RBM5: variants seen among roughly 807,000 people sequenced by gnomAD.
RBM5 encodes the protein RNA-binding protein 5.
RBM5 carries 15 observed loss-of-function variants against 124.6 expected under a neutral mutation model. The observed-to-expected ratio is 0.12, with a 90% confidence interval of 0.08 to 0.19. The LOEUF (loss-of-function observed/expected upper bound fraction) is 0.19, where lower values mean the gene tolerates loss of function less well. Among genes scored for constraint, RBM5 ranks in the 10% least tolerant of loss-of-function variants. The pLI is 1.00. For synonymous variants in RBM5, 337 were observed against 361.2 expected, an observed-to-expected ratio of 0.93 and a Z score of 0.76; for missense variants, 580 against 1,026.5, an observed-to-expected ratio of 0.57 and a Z score of 5.94.
intron 9 of RBM5, 75 bp from the exon 10 acceptor site, chr3:50,105,474 G>C: frequency 2.1e-6 from 3 of 1,445,152 alleles, no homozygotes; most frequent in Non-Finnish European, 2.9e-6. Flanking sequence ...GTATGTACTT[G>C]ACCCTATCTT....
intron 21 of RBM5, 79 bp from the exon 22 acceptor site, chr3:50,115,827 A>G: frequency 1.5e-6 from 2 of 1,372,636 alleles, no homozygotes; most frequent in African/African-American, 2.9e-5. Flanking sequence ...CTTAAAGTAC[A>G]GTAGATGTTA....
intron 17 of RBM5, among the ~76,000 whole-genome samples, chr3:50,111,652 G>A (rs1176277993): frequency 6.6e-6 from 1 of 152,070 alleles, no homozygotes; most frequent in East Asian, 1.9e-4. Context: ...AGGATTACAG[G>A]CATGAGCCAC....
rs767565940 is a variant in RBM5, at chr3:50,115,974, G to C, written c.2088G>C (p.Glu696Asp). The stretch of plus-strand genomic sequence containing the variant: ...AGCTGGAAGCCTTGGAGCTAAGGGA[G>C]AGAGAGGTGAATGGGAAACTGTGCC... ...EQELEALELR[E>D]REMKYRDRAA... is the part of the protein sequence containing the mutation. The change falls in exon 22 of 25, where the codon GAG becomes GAC. Residue 696 changes from glutamate to aspartate, a missense_variant. This residue lies in a region of RBM5 where 234 missense variants were observed against 435.1 expected (regional missense o/e 0.54). Transcript: ENST00000347869. The C allele has an allele frequency of 2.4e-5, 39 of 1,612,422 alleles. No individual in the cohort carries two copies. The highest frequency in any genetic ancestry group is 3.1e-5 in the Non-Finnish European group (36 of 1,178,444).
Position 50,117,144 on chromosome 3 carries a change from G to T in RBM5, c.2165G>T (p.Arg722Leu). 5 of 1,614,164 alleles carry T rather than the reference G, an allele frequency of 3.1e-6. No individual in the cohort carries two copies. Among genetic ancestry groups the T allele is most frequent in the Admixed American group, 1.7e-5 (1 of 60,022 alleles). The change falls in exon 23 of 25, where the codon CGC becomes CTC. Residue 722 changes from arginine to leucine, a missense_variant. By Grantham distance (102) the Arg-to-Leu change is moderately radical. Around this residue, in one of 6 missense-constraint regions of RBM5, gnomAD observed 234 missense variants for 435.1 expected, o/e 0.54. Transcript: ENST00000347869. The surrounding 1 kb of genome is among the most constrained non-coding windows in gnomAD (Gnocchi z 4.2). ...ATTCCAGAACCTCCAGAGCCCAAGC[G>T]CAAGAAGCAGTTTGATGCCGGCACT... ...YGIPEPPEPKRKKQFDAGTVN... is the reference protein window; with the variant it reads ...YGIPEPPEPKLKKQFDAGTVN...
chr3:50,116,090 T>C (rs956362540), intron 22 of RBM5, 110 bp downstream of exon 22: 3 of 1,045,136 alleles, frequency 2.9e-6, no homozygotes, highest in African/African-American at 3.2e-5. Context: ...GGATTTGTCA[T>C]ACCCTTGTCA....
intron 2 of RBM5, 40 bp from the exon 3 acceptor site, chr3:50,092,003 A>G (rs755090761): frequency 3.1e-6 from 5 of 1,599,876 alleles, no homozygotes; most frequent in Non-Finnish European, 4.3e-6. Context: ...AAGGTACAAA[A>G]TGTGACTGAC....
intron 6 of RBM5, chr3:50,101,727 A>C (rs2090943792): frequency 6.6e-6 from 1 of 152,188 alleles, no homozygotes; most frequent in Non-Finnish European, 1.5e-5. Context: ...TAAGAAACTA[A>C]AACCTGTAAG....
At chr3:50,115,391 G>C in intron 20 of RBM5, 37 bp from the exon 21 acceptor site, 1 of 1,600,796 alleles carries the variant, frequency 6.2e-7, no homozygotes. Context: ...TCTTCCTATT[G>C]TACATTTCCA....
intron 22 of RBM5, chr3:50,116,222 A>G (rs778843842): frequency 1.2e-4 from 59 of 491,722 alleles, no homozygotes; most frequent in Non-Finnish European, 1.6e-4. Flanking sequence ...TCTCACAGCA[A>G]TGCCAGAGCT....
At chr3:50,094,319 G>C (rs1354897586) in intron 4 of RBM5, 1 of 152,652 alleles carries the variant, frequency 6.6e-6, no homozygotes, top group African/African-American at 2.4e-5. Context: ...ACCGCACCCG[G>C]CTAACTTTTT....
Position 50,100,012 on chromosome 3 carries a change from C to T in RBM5, c.370C>T (p.Pro124Ser), listed in dbSNP as rs770025167. 27 of 1,613,750 alleles carry T rather than the reference C, an allele frequency of 1.7e-5. No homozygotes were observed. The highest frequency in any genetic ancestry group is 1.1e-4 in the South Asian group (10 of 90,990). The stretch of plus-strand genomic sequence containing the variant: ...AGAAATGATGGAGTCCTTCGAAGGC[C>T]CTCAGCCTGCGGATGTGAGGCTGAT... ...IREMMESFEG[P>S]QPADVRLMKR... The change falls in exon 5 of 25, where the codon CCT (proline) becomes TCT (serine). Residue 124 changes from proline (P) to serine (S), a missense_variant. Physicochemically the swap from Pro to Ser is moderately conservative, Grantham distance 74 (BLOSUM62 -1). Around this residue, in one of 6 missense-constraint regions of RBM5, gnomAD observed 101 missense variants for 223.2 expected, o/e 0.45. Transcript: ENST00000347869. This position sits in a 1 kb window ranked among gnomAD's most constrained non-coding sequence, Gnocchi z 5.1.
chr3:50,096,692 G>A (rs1299574061), intron 4 of RBM5, among the ~76,000 whole-genome samples: 1 of 151,446 alleles, frequency 6.6e-6, no homozygotes, highest in Non-Finnish European at 1.5e-5. Flanking sequence ...TGGGGCTCAG[G>A]CAATCCACCA....
At chr3:50,115,168 C>T (rs959746150) in intron 20 of RBM5, 8 of 391,700 alleles carry the variant, frequency 2.0e-5, no homozygotes, top group African/African-American at 1.7e-4. Context: ...ACTCCTTCTC[C>T]AAAGAAATAG....
At chr3:50,116,046 G>A in intron 22 of RBM5, 66 bp downstream of exon 22, 1 of 1,465,094 alleles carries the variant, frequency 6.8e-7, no homozygotes, top group Non-Finnish European at 9.6e-7. Flanking sequence ...TTTATTTGTA[G>A]CATTTAGTTC....
rs2091184445 is a variant in RBM5 at position 50,113,429 on chromosome 3, A to G, written c.1502A>G (p.Glu501Gly). 9 of 1,613,412 alleles carry G rather than the reference A, an allele frequency of 5.6e-6. No individual in the cohort carries two copies. The highest frequency in any genetic ancestry group is 6.8e-6 in the Non-Finnish European group (8 of 1,179,604). ...LTQQYLYWDG[E>G]KETYVPAAES... ...CAGCAGTACCTTTACTGGGATGGGG[A>G]AAAAGAGACCTACGTGCCAGCTGCA... Residue 501 changes from glutamate to glycine, a missense_variant, in exon 18 of 25, where the codon GAA (glutamate) becomes GGA (glycine). Coordinates refer to ENST00000347869, the MANE Select transcript of RBM5 (RefSeq NM_005778.4).
Position 50,117,496 on chromosome 3 carries a change from G to T in RBM5, c.2322+117G>T. Reference sequence around the variant, plus strand: ...AGCAGCTTTACCTTAGCATGAAGGGGCAGATTACAGGCATGAGCTCACACC... The same window carrying T: ...AGCAGCTTTACCTTAGCATGAAGGGTCAGATTACAGGCATGAGCTCACACC... On this transcript the variant is annotated intron_variant, in intron 24 of 24. Transcript: ENST00000347869. This position sits in a 1 kb window ranked among gnomAD's most constrained non-coding sequence, Gnocchi z 4.2. 3 of 1,409,032 alleles carry T rather than the reference G, an allele frequency of 2.1e-6. No individual in the cohort carries two copies. The highest frequency in any genetic ancestry group is 2.9e-6 in the Non-Finnish European group (3 of 1,031,968). 87.3% of individuals were successfully genotyped at this position (1,409,032 alleles called of 1,614,324 possible).
At chr3:50,098,440 A>T (rs1001911440) in intron 4 of RBM5, among the ~76,000 whole-genome samples, 1 of 150,404 alleles carries the variant, frequency 6.6e-6, no homozygotes, top group African/African-American at 2.5e-5. Context: ...GGTAATTTTT[A>T]TTTTATTTTA....
intron 9 of RBM5, 74 bp from the exon 10 acceptor site, chr3:50,105,475 A>G: frequency 6.9e-7 from 1 of 1,454,594 alleles, no homozygotes; most frequent in Non-Finnish European, 9.5e-7. Flanking sequence ...TATGTACTTG[A>G]CCCTATCTTG....
At position 50,093,846 on chromosome 3, in the gene RBM5, G is replaced by A. The variant is rs1479532057; in HGVS notation, c.310G>A (p.Gly104Ser). The A allele has an allele frequency of 5.0e-6, 8 of 1,612,890 alleles. No homozygotes were observed. Among genetic ancestry groups the A allele is most frequent in the South Asian group, 1.1e-5 (1 of 91,030 alleles). ...ERESKTIMLR[G>S]LPITITESDI... ...GGAGAGCAAGACCATCATGCTGCGC[G>A]GCCTTCCCATCACCATCACAGAGAG... The change falls in exon 4 of 25, where the codon GGC (glycine) becomes AGC (serine). Residue 104 changes from glycine (G) to serine (S), a missense_variant. This residue lies in a region of RBM5 where 101 missense variants were observed against 223.2 expected (regional missense o/e 0.45). Transcript: ENST00000347869.
Sources: gnomAD v4.1 joint callset for allele counts (sites outside exome capture counted in the v4.1 genomes callset) on GRCh38, gnomAD v4.1.1 for gene constraint, gnomAD v4.1.1 regional missense constraint, Gnocchi (gnomAD v3.1) non-coding constraint, MANE v1.5 for transcripts, NCBI Gene and HGNC (gene_info 2026-07-23, HGNC 2026-07-21) for gene names.